The following USH2A variants were observed in gnomAD, a reference collection of about 807,000 sequenced individuals.
USH2A encodes Usher syndrome 2A (autosomal recessive, mild).
USH2A carries 443 observed loss-of-function variants against 538.9 expected under a neutral mutation model. The observed-to-expected ratio is 0.82, with a 90% confidence interval of 0.76 to 0.89. The LOEUF (loss-of-function observed/expected upper bound fraction) is 0.89. Ranked by LOEUF, USH2A falls within the 40% of genes least tolerant of loss-of-function variation. USH2A has a pLI of 0.00. For missense variants in USH2A, 6,633 were observed against 6,324.8 expected, an observed-to-expected ratio of 1.05 and a Z score of -1.65; for synonymous variants, 2,413 against 2,273.5, an observed-to-expected ratio of 1.06 and a Z score of -1.75.
chr1:216,010,448 C>T (rs182419666), intron 32 of USH2A, among the ~76,000 whole-genome samples: 32 of 152,106 alleles, frequency 2.1e-4, no homozygotes, highest in African/African-American at 7.7e-4. Flanking sequence ...TGACTGACCC[C>T]TTCTCGGCTT....
chr1:216,214,800 T>C (rs898953130), intron 15 of USH2A, among the ~76,000 whole-genome samples: 94 of 152,054 alleles, frequency 6.2e-4, no homozygotes, highest in African/African-American at 2.1e-3. Flanking sequence ...TAAATAACAA[T>C]GAGAATAGTG....
In USH2A at chr1:216,394,241, T is replaced by A. The variant is rs74141577; in HGVS notation, c.651+24273A>T. Among the ~76,000 whole-genome samples, 710 of 152,150 alleles carry A rather than the reference T, an allele frequency of 4.7e-3. 6 individuals are homozygous for A. The highest frequency in any genetic ancestry group is 0.016 in the African/African-American group (682 of 41,502). ...TTTTGCTGGTGAGAAGGCAAAATGG[T>A]ACAGCCACCGTGGAAAAAGTCTGTC... On this transcript the variant is annotated intron_variant, in intron 3 of 71. Transcript: ENST00000307340.
chr1:215,917,855 C>T (rs186584000), intron 38 of USH2A, among the ~76,000 whole-genome samples: 24 of 149,458 alleles, frequency 1.6e-4, no homozygotes, highest in Non-Finnish European at 3.3e-4. Flanking sequence ...GCCAGCTACT[C>T]AGGATGCTGA....
At chr1:216,094,221 C>T (rs528934736) in intron 22 of USH2A, among the ~76,000 whole-genome samples, 1 of 152,284 alleles carries the variant, frequency 6.6e-6, no homozygotes. Flanking sequence ...TTAGCATTTG[C>T]TGTCCTTTTT....
At chr1:216,073,993 G>A (rs1168033237) in intron 27 of USH2A, among the ~76,000 whole-genome samples, 2 of 152,140 alleles carry the variant, frequency 1.3e-5, no homozygotes, top group African/African-American at 4.8e-5. Context: ...GCATGACAGG[G>A]GCCAGCCTTC....
intron 50 of USH2A, among the ~76,000 whole-genome samples, chr1:215,792,497 C>T (rs1315537724): frequency 2.0e-5 from 3 of 152,154 alleles, no homozygotes; most frequent in Non-Finnish European, 4.4e-5. Context: ...TGTGACAGTG[C>T]CATTAATTTA....
At chr1:216,122,309 C>T (rs1347450469) in intron 21 of USH2A, among the ~76,000 whole-genome samples, 1 of 152,046 alleles carries the variant, frequency 6.6e-6, no homozygotes, top group Non-Finnish European at 1.5e-5. Context: ...TTCAGGGATC[C>T]AAGAGAGGGA....
At chr1:215,654,551 C>T (rs958446592) in intron 64 of USH2A, among the ~76,000 whole-genome samples, 3 of 152,156 alleles carry the variant, frequency 2.0e-5, no homozygotes, top group African/African-American at 4.8e-5. Context: ...TCAGAAACTT[C>T]CCTAGTCGTT....
chr1:215,798,169 C>G (rs1662198742), intron 50 of USH2A, among the ~76,000 whole-genome samples: 1 of 152,146 alleles, frequency 6.6e-6, no homozygotes, highest in Admixed American at 6.6e-5. Flanking sequence ...AATCATAAAA[C>G]TAACAGATGA....
chr1:215,699,719 G>T (rs567610970), intron 61 of USH2A, among the ~76,000 whole-genome samples: 4 of 152,230 alleles, frequency 2.6e-5, no homozygotes, highest in Admixed American at 1.3e-4. Flanking sequence ...AAGATGATGG[G>T]GTTTTCTAAA....
chr1:215,678,955 G>C (rs1435112125), intron 62 of USH2A, among the ~76,000 whole-genome samples: 2 of 152,206 alleles, frequency 1.3e-5, no homozygotes, highest in African/African-American at 4.8e-5. Context: ...GAAGTGCTTT[G>C]AGGGAAAAGG....
At chr1:216,040,574 GAAT>G (rs2030231229) in intron 32 of USH2A, among the ~76,000 whole-genome samples, 1 of 151,964 alleles carries the variant, frequency 6.6e-6, no homozygotes, top group African/African-American at 2.4e-5. Context: ...TTTAAAATAA[GAAT>G]AATCTGTGGC....
intron 71 of USH2A, among the ~76,000 whole-genome samples, chr1:215,627,445 C>CTTCCTTCCTTCCTTCTTTCCTTCCTTCT (rs1656088027): frequency 1.3e-5 from 1 of 78,714 alleles, no homozygotes; most frequent in African/African-American, 4.7e-5. Context: ...TCCTTCCTTC[C>CTTCCTTCCTTCCTTCTTTCCTTCCTTCT]TTCCTTCCTT....
At chr1:215,962,806 A>G (rs1667234964) in intron 37 of USH2A, among the ~76,000 whole-genome samples, 2 of 152,246 alleles carry the variant, frequency 1.3e-5, no homozygotes, top group South Asian at 4.1e-4. Flanking sequence ...TGAGAACATA[A>G]TACGTGGTCA....
In USH2A at chr1:216,114,944, G is replaced by A. The variant is rs147691817; in HGVS notation, c.4628-17731C>T. ...AATAGATATCTATGGTTATTTAGAT[G>A]TGTATTTTCATAGATATATATCTAT... On this transcript the variant is annotated intron_variant, in intron 21 of 71. Coordinates refer to ENST00000307340, the MANE Select transcript of USH2A (RefSeq NM_206933.4). 9.2e-5 allele frequency among the ~76,000 whole-genome samples: 14 copies of A among 152,080 alleles called. No individual in the cohort carries two copies. The East Asian group carries it at 2.7e-3, about 29-fold the overall frequency.
At chr1:216,200,975 CCA>C in intron 16 of USH2A, among the ~76,000 whole-genome samples, 2 of 23,086 alleles carry the variant, frequency 8.7e-5, no homozygotes, top group African/African-American at 3.0e-4. Flanking sequence ...CTCCCCCCAT[CCA>C]TCCCTCCCTC....
intron 60 of USH2A, among the ~76,000 whole-genome samples, chr1:215,732,621 A>G (rs1471184737): frequency 7.7e-6 from 1 of 130,644 alleles, no homozygotes; most frequent in East Asian, 2.3e-4. Flanking sequence ...GGCTCACTGC[A>G]AGCTCCGCCT....
At chr1:215,861,234 G>A (rs1315138292) in intron 44 of USH2A, among the ~76,000 whole-genome samples, 1 of 152,102 alleles carries the variant, frequency 6.6e-6, no homozygotes, top group Non-Finnish European at 1.5e-5. Flanking sequence ...TCTATCAGGG[G>A]CCTGCCAGAG....
At position 215,874,293 on chromosome 1, in the gene USH2A, G is replaced by T. The variant is rs965080465; in HGVS notation, c.8681+3465C>A. 3.3e-5 allele frequency among the ~76,000 whole-genome samples: 5 copies of T among 152,252 alleles called. No homozygotes were observed. The East Asian group carries it at 9.7e-4, about 29-fold the overall frequency. On this transcript the variant is annotated intron_variant, in intron 43 of 71. Coordinates refer to ENST00000307340, the MANE Select transcript of USH2A (RefSeq NM_206933.4). Reference sequence around the variant, plus strand: ...AGGAAGAAAAGTTAGAAACTGACAAGCAGTATAAACCTGTAGTTATACGGA... The same window carrying T: ...AGGAAGAAAAGTTAGAAACTGACAATCAGTATAAACCTGTAGTTATACGGA...
Sources: gnomAD v4.1 joint callset for allele counts (sites outside exome capture counted in the v4.1 genomes callset) on GRCh38, gnomAD v4.1.1 for gene constraint, MANE v1.5 for transcripts, NCBI Gene and HGNC (gene_info 2026-07-23, HGNC 2026-07-21) for gene names.